Variants in TMEM135 observed in about 807,000 individuals in gnomAD.
TMEM135 encodes transmembrane protein 135, also known as peroxisomal membrane protein 52.
Under a neutral mutation model 60.3 loss-of-function variants are expected in TMEM135, and 30 were observed. That is an observed-to-expected ratio of 0.50 (90% CI 0.37 to 0.68). TMEM135 has a LOEUF of 0.68. Ranked by LOEUF, TMEM135 falls within the 30% of genes least tolerant of loss-of-function variation. The pLI, the probability that TMEM135 is intolerant of heterozygous loss-of-function variation, is 0.00. For missense variants in TMEM135, 468 were observed against 548.8 expected, an observed-to-expected ratio of 0.85 and a Z score of 1.47; for synonymous variants, 190 against 186.7, an observed-to-expected ratio of 1.02 and a Z score of -0.14.
At chr11:87,291,444 A>G (rs571843059) in intron 6 of TMEM135, among the ~76,000 whole-genome samples, 2 of 149,182 alleles carry the variant, frequency 1.3e-5, no homozygotes, top group African/African-American at 5.0e-5. Context: ...GACCACAATC[A>G]TCGTTCCCCT....
At chr11:87,248,816 A>T (rs1310051339) in intron 6 of TMEM135, among the ~76,000 whole-genome samples, 1 of 152,138 alleles carries the variant, frequency 6.6e-6, no homozygotes, top group Non-Finnish European at 1.5e-5. Flanking sequence ...TTTTCATTGT[A>T]GAGATCTTCC....
chr11:87,197,953 T>G (rs1022999681), intron 5 of TMEM135, among the ~76,000 whole-genome samples: 1 of 114,824 alleles, frequency 8.7e-6, no homozygotes, highest in Non-Finnish European at 2.0e-5. Flanking sequence ...TTATTTTTAT[T>G]TTTTTAGGTA....
intron 4 of TMEM135, among the ~76,000 whole-genome samples, chr11:87,136,867 A>G (rs1478402048): frequency 6.6e-6 from 1 of 151,994 alleles, no homozygotes; most frequent in Non-Finnish European, 1.5e-5. Context: ...ATTCCTGATA[A>G]TGGTAATTTG....
intron 6 of TMEM135, among the ~76,000 whole-genome samples, chr11:87,261,601 A>C (rs1941652379): frequency 6.6e-6 from 1 of 152,136 alleles, no homozygotes; most frequent in Admixed American, 6.5e-5. Flanking sequence ...TTTTAGTTCA[A>C]ACCATCTTAA....
chr11:87,144,411 A>G (rs1382719401), intron 4 of TMEM135, among the ~76,000 whole-genome samples: 1 of 152,230 alleles, frequency 6.6e-6, no homozygotes, highest in Non-Finnish European at 1.5e-5. Flanking sequence ...GAAAGCAGCC[A>G]TAGACAATAG....
At chr11:87,123,992 GATA>G (rs1406807397) in intron 4 of TMEM135, among the ~76,000 whole-genome samples, 2 of 152,198 alleles carry the variant, frequency 1.3e-5, no homozygotes, top group South Asian at 2.1e-4. Flanking sequence ...ACTAAGTGAT[GATA>G]ATGTTTTTCT....
At chr11:87,204,171 T>A (rs76783243) in intron 5 of TMEM135, among the ~76,000 whole-genome samples, 3,168 of 151,746 alleles carry the variant, frequency 0.021, 35 homozygotes, top group South Asian at 0.033. Flanking sequence ...TTGTTTTTTT[T>A]ATCTAAAATG....
intron 6 of TMEM135, among the ~76,000 whole-genome samples, chr11:87,248,237 A>G (rs1297108766): frequency 6.6e-6 from 1 of 152,160 alleles, no homozygotes; most frequent in Non-Finnish European, 1.5e-5. Flanking sequence ...TTGCTGTTTC[A>G]TATTGTAGTT....
chr11:87,067,153 T>A (rs1328930150), intron 1 of TMEM135, among the ~76,000 whole-genome samples: 1 of 147,756 alleles, frequency 6.8e-6, no homozygotes, highest in African/African-American at 2.5e-5. Context: ...CATTATTTTT[T>A]AAATTTACTA....
intron 4 of TMEM135, among the ~76,000 whole-genome samples, chr11:87,104,579 T>A (rs1354415022): frequency 6.6e-6 from 1 of 152,230 alleles, no homozygotes; most frequent in Non-Finnish European, 1.5e-5. Context: ...TGGGTGTTTT[T>A]CTGCAGTTTT....
chr11:87,253,821 G>C (rs1031975292), intron 6 of TMEM135, among the ~76,000 whole-genome samples: 1 of 151,210 alleles, frequency 6.6e-6, no homozygotes, highest in African/African-American at 2.4e-5. Flanking sequence ...AGTAACAATC[G>C]TTGTCTCATG....
chr11:87,114,463 A>C (rs1191804489), intron 4 of TMEM135, among the ~76,000 whole-genome samples: 1 of 152,178 alleles, frequency 6.6e-6, no homozygotes, highest in Non-Finnish European at 1.5e-5. Flanking sequence ...AACAAGCTGT[A>C]TAGGAAGGTG....
intron 2 of TMEM135, among the ~76,000 whole-genome samples, chr11:87,069,220 A>G (rs1481802539): frequency 7.8e-6 from 1 of 128,910 alleles, no homozygotes; most frequent in Non-Finnish European, 1.6e-5. Context: ...CGGGAGGCGG[A>G]GGTTGCAGTG....
chr11:87,292,546 T>G (rs1942284583), intron 6 of TMEM135, among the ~76,000 whole-genome samples: 1 of 152,226 alleles, frequency 6.6e-6, no homozygotes, highest in Non-Finnish European at 1.5e-5. Flanking sequence ...AATCTTTATA[T>G]TGTATTTTCA....
At chr11:87,256,233 A>G (rs1445023930) in intron 6 of TMEM135, among the ~76,000 whole-genome samples, 2 of 152,214 alleles carry the variant, frequency 1.3e-5, no homozygotes, top group Non-Finnish European at 2.9e-5. Context: ...AGTGATTCCA[A>G]CTATATAAAC....
intron 5 of TMEM135, 122 bp from the exon 6 acceptor site, chr11:87,236,516 A>G (rs1940998377): frequency 1.2e-6 from 1 of 819,858 alleles, no homozygotes; most frequent in Non-Finnish European, 2.1e-6. Flanking sequence ...AATGTGTGTG[A>G]CTGGTTTGTA....
At chr11:87,147,790 C>A (rs1938455374) in intron 4 of TMEM135, among the ~76,000 whole-genome samples, 1 of 152,142 alleles carries the variant, frequency 6.6e-6, no homozygotes, top group Admixed American at 6.5e-5. Flanking sequence ...CAAAGTCTTA[C>A]TTTGTTGCCC....
At chr11:87,306,134 G>T (rs868227797) in intron 9 of TMEM135, 129 bp downstream of exon 9, 2 of 501,930 alleles carry the variant, frequency 4.0e-6, no homozygotes, top group Admixed American at 3.8e-5. Context: ...CTTTGAATTT[G>T]ACTTCAAGAG....
chr11:87,141,981 A>C (rs981799699), intron 4 of TMEM135, among the ~76,000 whole-genome samples: 4 of 152,218 alleles, frequency 2.6e-5, no homozygotes, highest in Non-Finnish European at 5.9e-5. Flanking sequence ...GGGATCTAGC[A>C]GTAGCAGGTA....
Sources: gnomAD v4.1 joint callset for allele counts (sites outside exome capture counted in the v4.1 genomes callset) on GRCh38, gnomAD v4.1.1 for gene constraint, MANE v1.5 for transcripts, NCBI Gene and HGNC (gene_info 2026-07-23, HGNC 2026-07-21) for gene names.